GPC3: variants seen among roughly 807,000 people sequenced by gnomAD.
GPC3 encodes the protein glypican-3.
A neutral mutation model predicts 34.4 loss-of-function variants in GPC3; 3 were observed. The observed-to-expected ratio is 0.09, with a 90% CI of 0.04 to 0.23. The LOEUF is 0.23. Ranked by LOEUF, GPC3 falls within the 10% of genes least tolerant of loss-of-function variation. The probability of loss-of-function intolerance (pLI) is 1.00; values close to 1 mark genes in which losing one functional copy is unlikely to be tolerated. For synonymous variants in GPC3, 177 were observed against 174.0 expected (o/e 1.02, Z -0.13); for missense variants, 351 against 445.6 (o/e 0.79, Z 1.91).
intron 3 of GPC3, among the ~76,000 whole-genome samples, chrX:133,725,109 G>A (rs1394882416): frequency 9.0e-6 from 1 of 111,348 alleles, no homozygotes; most frequent in Non-Finnish European, 1.9e-5. Flanking sequence ...GCCCTTTTAT[G>A]ATGCCCAGAA....
intron 3 of GPC3, among the ~76,000 whole-genome samples, chrX:133,706,446 C>T (rs1412227486): frequency 1.8e-5 from 2 of 111,709 alleles, no homozygotes; most frequent in Non-Finnish European, 3.8e-5. Flanking sequence ...TATTTGCAAA[C>T]TATGCATCTG....
chrX:133,653,760 C>T lies in GPC3; in HGVS notation c.1413+7970G>A, dbSNP rs542858641. 8.6e-4 allele frequency among the ~76,000 whole-genome samples: 97 copies of T among 112,408 alleles called. 1 individual carries two copies. The South Asian group carries it at 0.014, about 16-fold the overall frequency. On this transcript the variant is annotated intron_variant, in intron 6 of 7. Coordinates refer to ENST00000370818, the MANE Select transcript of GPC3 (RefSeq NM_004484.4). ...CAAGTTCATGATTCCTACTGTGCAG[C>T]CATTTGTTCCAAAGATGAACTTCAT...
At chrX:133,541,308 C>T (rs1485295103) in intron 7 of GPC3, among the ~76,000 whole-genome samples, 1 of 110,500 alleles carries the variant, frequency 9.0e-6, no homozygotes, top group African/African-American at 3.3e-5. Flanking sequence ...CCAGAAACTT[C>T]TCAGTTTGCT....
chrX:133,548,670 T>C (rs1020539725), intron 7 of GPC3, among the ~76,000 whole-genome samples: 29 of 111,895 alleles, frequency 2.6e-4, no homozygotes, highest in African/African-American at 9.4e-4. Context: ...CTCATTGATA[T>C]AGTTTGGCTG....
chrX:133,966,567 TCTTTCCC>T (rs1279425903), intron 1 of GPC3, among the ~76,000 whole-genome samples: 3 of 112,427 alleles, frequency 2.7e-5, no homozygotes, highest in Non-Finnish European at 3.8e-5. Context: ...CTCTATTATA[TCTTTCCC>T]CTTTCCCTAT....
rs942736504 is a variant in GPC3, at chrX:133,751,543, C to T, written c.1032+1939G>A. On this transcript the variant is annotated intron_variant, in intron 3 of 7. Transcript: ENST00000370818. ...ATTGTGAATGGGGCAATTACAGCAA[C>T]TCCGTAAGTAGCCATGCTGAGGGTT... 3.6e-5 allele frequency among the ~76,000 whole-genome samples: 4 copies of T among 112,187 alleles called. No homozygotes were observed. The Admixed American group carries it at 3.8e-4, about 11-fold the overall frequency.
intron 7 of GPC3, among the ~76,000 whole-genome samples, chrX:133,586,835 T>A (rs2069792787): frequency 8.9e-6 from 1 of 111,793 alleles, no homozygotes; most frequent in Non-Finnish European, 1.9e-5. Context: ...TATTTTTAAC[T>A]GACATGTAAT....
chrX:133,648,713 C>T (rs2070568674), intron 6 of GPC3, among the ~76,000 whole-genome samples: 1 of 111,709 alleles, frequency 9.0e-6, no homozygotes, highest in Admixed American at 9.5e-5. Context: ...CGTCCTCTTC[C>T]AATCTGGCTT....
chrX:133,637,933 G>A (rs948436214), intron 6 of GPC3, among the ~76,000 whole-genome samples: 5 of 111,550 alleles, frequency 4.5e-5, no homozygotes, highest in East Asian at 2.8e-4. Context: ...GTGAGCCACC[G>A]TGCCTGGTCA....
intron 1 of GPC3, among the ~76,000 whole-genome samples, chrX:133,953,607 A>G (rs1185787563): frequency 1.8e-5 from 2 of 112,250 alleles, no homozygotes; most frequent in Non-Finnish European, 3.8e-5. Flanking sequence ...GACAACCAAG[A>G]AACAATTTTC....
At chrX:133,542,957 T>C (rs987093153) in intron 7 of GPC3, among the ~76,000 whole-genome samples, 1 of 111,833 alleles carries the variant, frequency 8.9e-6, no homozygotes, top group African/African-American at 3.3e-5. Context: ...AGATGTGAAA[T>C]GACTAGACTT....
intron 2 of GPC3, among the ~76,000 whole-genome samples, chrX:133,804,921 T>C (rs970140483): frequency 8.9e-6 from 1 of 111,743 alleles, no homozygotes; most frequent in African/African-American, 3.3e-5. Context: ...AGGTATACTA[T>C]ATTATATCTG....
Position 133,687,287 on chromosome X carries a change from T to G in GPC3, c.1292+5082A>C, listed in dbSNP as rs1338331195. On this transcript the variant is annotated intron_variant, in intron 5 of 7. Transcript: ENST00000370818. ...CCTCATCCTTCTCTAGGTTGTGAAC[T>G]CCTTAGCAGGCGCAGGAGCTGGATT... Among the ~76,000 whole-genome samples, 4 of 104,598 alleles carry G rather than the reference T, an allele frequency of 3.8e-5. No individual in the cohort carries two copies. In the Admixed American group the frequency reaches 4.2e-4, roughly 11 times the overall value. 90.8% of individuals were successfully genotyped at this position (104,598 alleles called of 115,157 possible).
intron 3 of GPC3, among the ~76,000 whole-genome samples, chrX:133,752,346 T>C (rs756085801): frequency 8.9e-6 from 1 of 111,849 alleles, no homozygotes; most frequent in South Asian, 3.8e-4. Flanking sequence ...TGAAAAATAA[T>C]TAGCAGAAAG....
At chrX:133,794,532 A>AT (rs2075567486) in intron 2 of GPC3, among the ~76,000 whole-genome samples, 1 of 111,852 alleles carries the variant, frequency 8.9e-6, no homozygotes, top group Admixed American at 9.5e-5. Context: ...GGGGGGCACT[A>AT]TTTGTGCCTT....
chrX:133,647,186 C>T lies in GPC3; in HGVS notation c.1413+14544G>A, dbSNP rs779372303. ...GCAAAATATATTCACCCTGTCCACA[C>T]AGCTCTAAACTGAGGATAAAGAGGA... On this transcript the variant is annotated intron_variant, in intron 6 of 7. Coordinates refer to ENST00000370818, the MANE Select transcript of GPC3 (RefSeq NM_004484.4). Among the ~76,000 whole-genome samples the T allele has an allele frequency of 1.4e-4, 16 of 112,597 alleles. No homozygotes were observed. The South Asian group carries it at 4.4e-3, about 31-fold the overall frequency.
At chrX:133,927,739 A>G (rs1248181562) in intron 2 of GPC3, among the ~76,000 whole-genome samples, 1 of 109,358 alleles carries the variant, frequency 9.1e-6, no homozygotes, top group Non-Finnish European at 1.9e-5. Context: ...CAGCCTCCCA[A>G]AGTGTCAGAA....
At chrX:133,650,070 A>T (rs1044459507) in intron 6 of GPC3, among the ~76,000 whole-genome samples, 8 of 112,029 alleles carry the variant, frequency 7.1e-5, no homozygotes, top group African/African-American at 2.6e-4. Flanking sequence ...TGGCATGTGA[A>T]ATACACACAC....
At chrX:133,537,856 T>A (rs2069308132) in intron 7 of GPC3, among the ~76,000 whole-genome samples, 1 of 111,520 alleles carries the variant, frequency 9.0e-6, no homozygotes. Flanking sequence ...ATTGATATTT[T>A]TCCTATTCAT....
Sources: gnomAD v4.1 joint callset for allele counts (sites outside exome capture counted in the v4.1 genomes callset) on GRCh38, gnomAD v4.1.1 for gene constraint, MANE v1.5 for transcripts, NCBI Gene and HGNC (gene_info 2026-07-23, HGNC 2026-07-21) for gene names.